NAALADL2: variants seen among roughly 807,000 people sequenced by gnomAD.
NAALADL2 encodes the protein N-acetylated alpha-linked acidic dipeptidase like 2, also known as inactive N-acetylated-alpha-linked acidic dipeptidase-like protein 2.
Under a neutral mutation model 87.2 loss-of-function variants are expected in NAALADL2, and 76 were observed. That is an observed-to-expected ratio of 0.87 (90% CI 0.72 to 1.05). NAALADL2 has a LOEUF of 1.05. NAALADL2 is among the 50% of genes least tolerant of loss of function. NAALADL2 has a pLI of 0.00. For synonymous variants in NAALADL2, 354 were observed against 331.0 expected, an observed-to-expected ratio of 1.07 and a Z score of -0.75; for missense variants, 1,089 against 945.8, an observed-to-expected ratio of 1.15 and a Z score of -1.99.
intron 2 of NAALADL2, among the ~76,000 whole-genome samples, chr3:174,583,926 A>G (rs1343457070): frequency 6.6e-6 from 1 of 152,198 alleles, no homozygotes; most frequent in African/African-American, 2.4e-5. Context: ...TTCAAAATTA[A>G]TGAACAGCAA....
chr3:175,316,411 G>T (rs1047914706), intron 4 of NAALADL2, among the ~76,000 whole-genome samples: 1 of 152,082 alleles, frequency 6.6e-6, no homozygotes, highest in Non-Finnish European at 1.5e-5. Context: ...GAGCAAGGTG[G>T]TTATGTCGTT....
intron 11 of NAALADL2, among the ~76,000 whole-genome samples, chr3:175,704,322 T>C (rs1232239213): frequency 6.6e-6 from 1 of 152,210 alleles, no homozygotes; most frequent in African/African-American, 2.4e-5. Flanking sequence ...CCCTGGAATA[T>C]ATAATCTGTA....
At chr3:174,467,209 A>G (rs1560000695) in intron 1 of NAALADL2, among the ~76,000 whole-genome samples, 1 of 152,182 alleles carries the variant, frequency 6.6e-6, no homozygotes, top group Non-Finnish European at 1.5e-5. Flanking sequence ...TACACCCTTT[A>G]ACATGACATT....
At chr3:175,178,089 T>C (rs1235953575) in intron 2 of NAALADL2, among the ~76,000 whole-genome samples, 2 of 152,068 alleles carry the variant, frequency 1.3e-5, no homozygotes, top group Non-Finnish European at 2.9e-5. Context: ...CATAGACAAG[T>C]CATTTAACCA....
At chr3:175,414,834 G>T (rs1714280718) in intron 5 of NAALADL2, among the ~76,000 whole-genome samples, 1 of 152,106 alleles carries the variant, frequency 6.6e-6, no homozygotes, top group Non-Finnish European at 1.5e-5. Flanking sequence ...GTGAGGTTAT[G>T]CAGGAAAATG....
rs77589368 is a variant in NAALADL2, at chr3:175,178,575, A to C, written c.546-55356A>C. 8.0e-3 allele frequency among the ~76,000 whole-genome samples: 1,216 copies of C among 152,112 alleles called. 18 individuals are homozygous for C. Among genetic ancestry groups the C allele is most frequent in the African/African-American group, 0.029 (1,190 of 41,510 alleles). ...TCACAAGAAATGTTAATGCTGGAAAAACAGTGCTTTAAATCAGTGATCCTT... is the reference window on the plus strand; with the variant it reads ...TCACAAGAAATGTTAATGCTGGAAACACAGTGCTTTAAATCAGTGATCCTT... On this transcript the variant is annotated intron_variant, in intron 2 of 13. Coordinates refer to ENST00000454872, the MANE Select transcript of NAALADL2 (RefSeq NM_207015.3).
chr3:175,388,396 CATT>C (rs1422646688), intron 5 of NAALADL2, among the ~76,000 whole-genome samples: 3 of 152,020 alleles, frequency 2.0e-5, no homozygotes, highest in Admixed American at 1.3e-4. Flanking sequence ...CATTGCTAGA[CATT>C]ATGTATGCTA....
At chr3:174,671,872 G>C (rs1366579981) in intron 2 of NAALADL2, among the ~76,000 whole-genome samples, 1 of 151,912 alleles carries the variant, frequency 6.6e-6, no homozygotes, top group Non-Finnish European at 1.5e-5. Context: ...ATGGTCAAAT[G>C]AAATAATTCC....
chr3:174,548,283 C>T (rs1711622621), intron 1 of NAALADL2, among the ~76,000 whole-genome samples: 1 of 151,904 alleles, frequency 6.6e-6, no homozygotes, highest in Admixed American at 6.6e-5. Context: ...ACATAACACA[C>T]CATATGGAAT....
In NAALADL2 at chr3:175,607,606, G is replaced by T. The variant is rs534524305; in HGVS notation, c.1801-19685G>T. The stretch of plus-strand genomic sequence containing the variant: ...GTTTTTTCAAGGGTAGTAAACCATC[G>T]TTTGAAATGTTAGAAAATCAGTTAA... On this transcript the variant is annotated intron_variant, in intron 10 of 13. Coordinates refer to ENST00000454872, the MANE Select transcript of NAALADL2 (RefSeq NM_207015.3). 5.6e-4 allele frequency among the ~76,000 whole-genome samples: 85 copies of T among 152,192 alleles called. 1 individual carries two copies. The highest frequency in any genetic ancestry group is 1.9e-3 in the African/African-American group (80 of 41,546).
At chr3:175,385,111 C>T (rs1768219979) in intron 5 of NAALADL2, among the ~76,000 whole-genome samples, 1 of 152,166 alleles carries the variant, frequency 6.6e-6, no homozygotes, top group East Asian at 1.9e-4. Context: ...AACATTCAAG[C>T]TTCAGGCACT....
chr3:175,691,240 A>G (rs1736997993), intron 11 of NAALADL2, among the ~76,000 whole-genome samples: 2 of 150,776 alleles, frequency 1.3e-5, no homozygotes, highest in South Asian at 2.1e-4. Context: ...CTCTGTGTGT[A>G]TATATACACA....
At chr3:174,611,731 C>G (rs1481528310) in intron 2 of NAALADL2, among the ~76,000 whole-genome samples, 1 of 151,872 alleles carries the variant, frequency 6.6e-6, no homozygotes, top group African/African-American at 2.4e-5. Context: ...GCTGGGATTA[C>G]AGGTGCATGC....
intron 3 of NAALADL2, among the ~76,000 whole-genome samples, chr3:174,797,305 CTTTT>C (rs1160338109): frequency 8.3e-5 from 6 of 72,710 alleles, no homozygotes; most frequent in Non-Finnish European, 1.2e-4. Flanking sequence ...TTTCTTTTTT[CTTTT>C]TTTTTTTTTT....
chr3:174,710,415 C>A (rs937742793), intron 2 of NAALADL2, among the ~76,000 whole-genome samples: 1 of 151,846 alleles, frequency 6.6e-6, no homozygotes, highest in Non-Finnish European at 1.5e-5. Context: ...CCACCACACC[C>A]GGCTAATTTT....
chr3:175,489,383 A>G (rs1346302076), intron 9 of NAALADL2, among the ~76,000 whole-genome samples: 1 of 152,222 alleles, frequency 6.6e-6, no homozygotes, highest in Non-Finnish European at 1.5e-5. Context: ...CATGTATAGA[A>G]TGAAGCCTGT....
intron 2 of NAALADL2, among the ~76,000 whole-genome samples, chr3:174,609,065 C>A (rs1719467935): frequency 6.6e-6 from 1 of 151,872 alleles, no homozygotes; most frequent in African/African-American, 2.4e-5. Flanking sequence ...ACAAAAACCA[C>A]ATGATTTTCT....
intron 9 of NAALADL2, among the ~76,000 whole-genome samples, chr3:175,518,913 G>A (rs1732254034): frequency 6.6e-6 from 1 of 152,206 alleles, no homozygotes. Flanking sequence ...ATACATAGGA[G>A]CCTTCAGAAT....
chr3:174,849,562 C>A (rs6790374), intron 3 of NAALADL2, among the ~76,000 whole-genome samples: 1,887 of 151,962 alleles, frequency 0.012, 45 homozygotes, highest in African/African-American at 0.044. Context: ...CAGGGAAACC[C>A]CGTATCTACT....
Sources: gnomAD v4.1 joint callset for allele counts (sites outside exome capture counted in the v4.1 genomes callset) on GRCh38, gnomAD v4.1.1 for gene constraint, MANE v1.5 for transcripts, NCBI Gene and HGNC (gene_info 2026-07-23, HGNC 2026-07-21) for gene names.